The following MAP9 variants were observed in gnomAD, a reference collection of about 807,000 sequenced individuals.
MAP9 encodes the protein microtubule-associated protein 9.
MAP9 carries 80 observed loss-of-function variants against 75.2 expected under a neutral mutation model. That is an observed-to-expected ratio of 1.06 (90% confidence interval 0.89 to 1.28). The LOEUF (loss-of-function observed/expected upper bound fraction) is 1.28. Ranked by LOEUF, MAP9 falls within the 50% of genes most tolerant of loss-of-function variation. The pLI is 0.00. For missense variants in MAP9, 753 were observed against 719.9 expected (o/e 1.05, Z -0.53); for synonymous variants, 235 against 237.3 (o/e 0.99, Z 0.09).
chr4:155,371,347 G>A (rs1246135777), intron 4 of MAP9, among the ~76,000 whole-genome samples: 1 of 150,942 alleles, frequency 6.6e-6, no homozygotes. Context: ...CTCTTTCAAA[G>A]ATAAATCATT....
chr4:155,350,368 G>T, intron 13 of MAP9: 2 of 289,464 alleles, frequency 6.9e-6, no homozygotes, highest in Admixed American at 9.2e-5. Context: ...TTTTGTCTTT[G>T]GTCTTTGAGG....
At chr4:155,349,085 A>G (rs978056220) in intron 13 of MAP9, among the ~76,000 whole-genome samples, 2 of 152,204 alleles carry the variant, frequency 1.3e-5, no homozygotes, top group African/African-American at 4.8e-5. Flanking sequence ...TTTACTTTCA[A>G]CAAAAAATGG....
intron 4 of MAP9, among the ~76,000 whole-genome samples, chr4:155,369,926 T>C (rs538747717): frequency 6.6e-5 from 10 of 152,248 alleles, no homozygotes; most frequent in Non-Finnish European, 1.5e-4. Context: ...GCTATACATA[T>C]TTATGTTTCT....
At chr4:155,375,472 GA>G (rs960170562) in intron 2 of MAP9, among the ~76,000 whole-genome samples, 27 of 149,192 alleles carry the variant, frequency 1.8e-4, no homozygotes, top group Admixed American at 1.3e-4. Context: ...TGACTCAACA[GA>G]AAAAAAAACT....
chr4:155,375,808 T>C lies in MAP9; in HGVS notation c.43A>G (p.Ser15Gly). The C allele has an allele frequency of 6.2e-7, 1 of 1,611,040 alleles. No homozygotes were observed. The change falls in exon 2 of 14, where the codon AGT becomes GGT. Residue 15 changes from serine to glycine, a missense_variant. Ser to Gly is a moderately conservative substitution (Grantham distance 56). Transcript: ENST00000311277. ...GTAGTTCTTTTGGTAACTTTTGGACTCTTTGTATATGCCAAAGTGGTGCTA... is the reference window on the plus strand; with the variant it reads ...GTAGTTCTTTTGGTAACTTTTGGACCCTTTGTATATGCCAAAGTGGTGCTA... ...VFSTTLAYTK[S>G]PKVTKRTTFQ...
At chr4:155,352,852 A>G in intron 12 of MAP9, 60 bp downstream of exon 12, 1 of 1,430,724 alleles carries the variant, frequency 7.0e-7, no homozygotes, top group Non-Finnish European at 9.5e-7. Flanking sequence ...TAAATTTTAT[A>G]AAATCCTGAA....
Position 155,345,819 on chromosome 4 carries a change from C to A in MAP9, c.*1964G>T, listed in dbSNP as rs755310067. The A allele has an allele frequency of 4.7e-4, 71 of 152,044 alleles. No homozygotes were observed. Among genetic ancestry groups the A allele is most frequent in the Non-Finnish European group, 7.8e-4 (53 of 67,998 alleles). 9.4% of individuals were successfully genotyped at this position (152,044 alleles called of 1,614,324 possible). A position where few individuals can be genotyped will look rare whatever the true frequency, so the allele number is the denominator to read the frequency against. ...TCTCACATCCCCAAAAGTAGCTGTA[C>A]CTTTTTCAGTTTTTTTCCTTTTACT... On this transcript the variant is annotated 3_prime_UTR_variant, in exon 14 of 14. Transcript: ENST00000311277.
In MAP9 at chr4:155,368,707, T is replaced by A. The variant is rs1183422932; in HGVS notation, c.587A>T (p.Asp196Val). ...TTCTTCACTGAGGGCAGTTTCTTTA[T>A]CTTCTAGTCCATCCTTCTCCTCCAT... ...SHMEEKDGLE[D>V]KETALSEELE... Residue 196 changes from aspartate (D) to valine (V), a missense_variant, in exon 5 of 14, where the codon GAT becomes GTT. Coordinates refer to ENST00000311277, the MANE Select transcript of MAP9 (RefSeq NM_001039580.2). The A allele has an allele frequency of 6.2e-7, 1 of 1,614,128 alleles. No individual in the cohort carries two copies. The highest frequency in any genetic ancestry group is 1.1e-5 in the South Asian group (1 of 91,090).
intron 13 of MAP9, chr4:155,352,359 G>T: frequency 2.8e-6 from 1 of 352,268 alleles, no homozygotes; most frequent in Non-Finnish European, 5.1e-6. Context: ...ATGCAGGTAA[G>T]GAAGAAGATT....
chr4:155,343,444 C>T lies in MAP9; in HGVS notation c.*4339G>A, dbSNP rs1327668932. 2.0e-5 allele frequency: 3 copies of T among 151,342 alleles called. No homozygotes were observed. Among genetic ancestry groups the T allele is most frequent in the Non-Finnish European group, 4.4e-5 (3 of 67,680 alleles). The allele number at this position is 151,342 out of a possible 1,614,324, so 9.4% of individuals were successfully genotyped here. A position where few individuals can be genotyped will look rare whatever the true frequency, so the allele number is the denominator to read the frequency against. ...AACATGGGTGACTTTTGCTTATTTG[C>T]ATTTTCTAATTATTTAATAATTATA... is the stretch of plus-strand genomic sequence containing the variant. On this transcript the variant is annotated 3_prime_UTR_variant, in exon 14 of 14. Coordinates refer to ENST00000311277, the MANE Select transcript of MAP9 (RefSeq NM_001039580.2).
At position 155,373,454 on chromosome 4, in the gene MAP9, A is replaced by C. The variant is rs1578863949; in HGVS notation, c.163T>G (p.Ser55Ala). The change falls in exon 4 of 14, where the codon TCT becomes GCT. Residue 55 changes from serine (S) to alanine (A), a missense_variant and splice_region_variant. Physicochemically the swap from Ser to Ala is moderately conservative, Grantham distance 99. Transcript: ENST00000311277. ...SDDFDSDEIV[S>A]LGDFSDTSAD... Reference sequence around the variant, plus strand: ...GAAGTGTCAGAAAAATCACCTAAAGAAACTGAAAAATGGAAAAGAAAAATG... The same window carrying C: ...GAAGTGTCAGAAAAATCACCTAAAGCAACTGAAAAATGGAAAAGAAAAATG... 1.3e-6 allele frequency: 2 copies of C among 1,495,442 alleles called. No homozygotes were observed. The highest frequency in any genetic ancestry group is 2.4e-5 in the East Asian group (1 of 41,808). 92.6% of individuals were successfully genotyped at this position (1,495,442 alleles called of 1,614,324 possible).
At chr4:155,358,426 T>G (rs1731903599) in intron 7 of MAP9, among the ~76,000 whole-genome samples, 1 of 152,210 alleles carries the variant, frequency 6.6e-6, no homozygotes, top group Admixed American at 6.5e-5. Flanking sequence ...CATGGCTTAA[T>G]GAACCTCCTT....
At position 155,368,545 on chromosome 4, in the gene MAP9, A is replaced by C. The variant is rs146675483; in HGVS notation, c.708+41T>G. The C allele has an allele frequency of 1.0e-4, 151 of 1,475,894 alleles. No individual in the cohort carries two copies. The African/African-American group carries it at 2.0e-3, about 19-fold the overall frequency. The allele number at this position is 1,475,894 out of a possible 1,614,324, so 91.4% of individuals were successfully genotyped here. The stretch of plus-strand genomic sequence containing the variant: ...TTTCATAATCAGATAAAAAAGCATA[A>C]ATTCAAGAACACAATTCAACAGTTT... On this transcript the variant is annotated intron_variant, in intron 5 of 13. Transcript: ENST00000311277.
chr4:155,356,349 T>C (rs1394013287), intron 8 of MAP9, among the ~76,000 whole-genome samples: 2 of 152,168 alleles, frequency 1.3e-5, no homozygotes, highest in Admixed American at 6.5e-5. Flanking sequence ...ACAGTCTTAG[T>C]ATACAAAGAA....
At position 155,345,139 on chromosome 4, in the gene MAP9, C is replaced by T. The variant is rs558911281; in HGVS notation, c.*2644G>A. ...GTATATTCAAGAGAATATTACCAAG[C>T]TTGATTCTCTCCCTTGGATCTTAGG... On this transcript the variant is annotated 3_prime_UTR_variant, in exon 14 of 14. Transcript: ENST00000311277. The T allele has an allele frequency of 6.6e-6, 1 of 152,036 alleles. No individual in the cohort carries two copies. The highest frequency in any genetic ancestry group is 6.6e-5 in the Admixed American group (1 of 15,250). 9.4% of individuals were successfully genotyped at this position (152,036 alleles called of 1,614,324 possible).
In MAP9 at chr4:155,353,005, C is replaced by G; in HGVS notation, c.1595G>C (p.Arg532Thr). ...TGCTCTTTCATATTCTCTCTCCTTT[C>G]TATTTTTCTCTTTAAGATATTCCAT... ...KKMEYLKEKN[R>T]KEREYERAKK... Residue 532 changes from arginine to threonine, a missense_variant, in exon 12 of 14, where the codon AGA (arginine) becomes ACA (threonine). Physicochemically the swap from Arg to Thr is moderately conservative, Grantham distance 71. Coordinates refer to ENST00000311277, the MANE Select transcript of MAP9 (RefSeq NM_001039580.2). The G allele has an allele frequency of 6.5e-7, 1 of 1,541,266 alleles. No individual in the cohort carries two copies. The highest frequency in any genetic ancestry group is 8.8e-7 in the Non-Finnish European group (1 of 1,135,932).
intron 2 of MAP9, 75 bp from the exon 3 acceptor site, chr4:155,375,096 C>T: frequency 9.3e-7 from 1 of 1,073,764 alleles, no homozygotes; most frequent in Non-Finnish European, 1.4e-6. Flanking sequence ...TTTAAACAAA[C>T]AATGCTTGAT....
At chr4:155,366,844 G>C (rs1176045741) in intron 5 of MAP9, among the ~76,000 whole-genome samples, 1 of 152,102 alleles carries the variant, frequency 6.6e-6, no homozygotes, top group Non-Finnish European at 1.5e-5. Flanking sequence ...TCCAGGCCCA[G>C]ATAATTGTAC....
intron 10 of MAP9, among the ~76,000 whole-genome samples, chr4:155,354,868 T>C (rs184955980): frequency 7.2e-5 from 11 of 152,262 alleles, no homozygotes; most frequent in African/African-American, 2.4e-4. Context: ...CCTATACATA[T>C]ACAAAATTAA....
Sources: allele counts gnomAD v4.1 joint callset (sites outside exome capture counted in the v4.1 genomes callset), GRCh38; gene constraint gnomAD v4.1.1; transcripts MANE v1.5; gene names NCBI Gene and HGNC (gene_info 2026-07-23, HGNC 2026-07-21).